Variants in CCDC201 observed in about 807,000 individuals in gnomAD.
The protein encoded by CCDC201 is coiled-coil domain-containing protein 201.
intron 1 of CCDC201, among the ~76,000 whole-genome samples, chr7:45,870,563 G>A (rs898522417): frequency 5.9e-5 from 9 of 152,070 alleles, no homozygotes; most frequent in African/African-American, 2.2e-4. Flanking sequence ...TGAATTTATG[G>A]CAAAATACAT....
chr7:45,882,877 T>C, the CCDC201 span, among the ~76,000 whole-genome samples: 2 of 152,192 alleles, frequency 1.3e-5, no homozygotes, highest in African/African-American at 4.8e-5. Flanking sequence ...CCCAAACAAC[T>C]GTTCATCCCT....
At chr7:45,880,596 G>A in the CCDC201 span, among the ~76,000 whole-genome samples, 1 of 152,250 alleles carries the variant, frequency 6.6e-6, no homozygotes, top group Non-Finnish European at 1.5e-5. Context: ...TTATATGCAG[G>A]TGATGGTACC....
upstream of CCDC201, among the ~76,000 whole-genome samples, chr7:45,873,891 C>T (rs1562791209): frequency 1.3e-5 from 2 of 149,892 alleles, no homozygotes; most frequent in Non-Finnish European, 3.0e-5. Context: ...TTTTAGTGTG[C>T]CTATTTTATT....
chr7:45,873,921 T>C (rs1410866710), upstream of CCDC201, among the ~76,000 whole-genome samples: 1 of 28,528 alleles, frequency 3.5e-5, no homozygotes, highest in African/African-American at 3.0e-4. Context: ...ATTTACTTAC[T>C]TTTTTTTTTT....
At chr7:45,877,359 T>C (rs1786823388), upstream of CCDC201, among the ~76,000 whole-genome samples, 1 of 152,172 alleles carries the variant, frequency 6.6e-6, no homozygotes, top group African/African-American at 2.4e-5. Context: ...AGGATGTAAA[T>C]AAGTGGTCAG....
At chr7:45,881,900 G>C in the CCDC201 span, among the ~76,000 whole-genome samples, 4 of 152,094 alleles carry the variant, frequency 2.6e-5, no homozygotes, top group African/African-American at 7.2e-5. Context: ...TTTGATTAGT[G>C]GGGAGTGTGG....
At chr7:45,875,351 C>T (rs548362733), upstream of CCDC201, among the ~76,000 whole-genome samples, 9 of 150,996 alleles carry the variant, frequency 6.0e-5, no homozygotes, top group Non-Finnish European at 7.4e-5. Context: ...AAAAATTAGC[C>T]AGGCATGGTG....
At chr7:45,878,587 T>C in the CCDC201 span, among the ~76,000 whole-genome samples, 1 of 152,234 alleles carries the variant, frequency 6.6e-6, no homozygotes, top group East Asian at 1.9e-4. Flanking sequence ...TGGCCACTTT[T>C]CACCATGGCT....
chr7:45,878,568 G>A, the CCDC201 span, among the ~76,000 whole-genome samples: 1 of 152,244 alleles, frequency 6.6e-6, no homozygotes, highest in Non-Finnish European at 1.5e-5. Context: ...AATGGCCTGA[G>A]CAGTACCTTG....
At chr7:45,862,171 CAACA>C (rs1248149590) in exon 3 of CCDC201, 1 of 152,280 alleles carries the variant, frequency 6.6e-6, no homozygotes, top group African/African-American at 2.4e-5. Flanking sequence ...CCTACACACT[CAACA>C]AACACAGCCA....
upstream of CCDC201, among the ~76,000 whole-genome samples, chr7:45,876,737 G>A (rs897278037): frequency 6.6e-6 from 1 of 152,234 alleles, no homozygotes; most frequent in Non-Finnish European, 1.5e-5. Flanking sequence ...GGTGGCAGCC[G>A]TCAGGTGCTG....
At chr7:45,884,195 G>T in the CCDC201 span, among the ~76,000 whole-genome samples, 1 of 151,872 alleles carries the variant, frequency 6.6e-6, no homozygotes, top group East Asian at 1.9e-4. Flanking sequence ...CAAACTCCTG[G>T]GCTTAAGTGA....
At chr7:45,880,015 G>T in the CCDC201 span, among the ~76,000 whole-genome samples, 1 of 152,172 alleles carries the variant, frequency 6.6e-6, no homozygotes, top group Non-Finnish European at 1.5e-5. Flanking sequence ...GAATCTGGGG[G>T]ATGGAGTTTG....
At chr7:45,873,477 T>G (rs2116527700), upstream of CCDC201, among the ~76,000 whole-genome samples, 1 of 152,032 alleles carries the variant, frequency 6.6e-6, no homozygotes, top group Non-Finnish European at 1.5e-5. Context: ...TCCTTACCAG[T>G]CAGTCCTTCA....
intron 1 of CCDC201, among the ~76,000 whole-genome samples, chr7:45,867,187 C>G (rs990986259): frequency 5.9e-5 from 9 of 152,076 alleles, no homozygotes; most frequent in Admixed American, 3.9e-4. Context: ...GTTAAAGTGA[C>G]CTGACAGCAG....
chr7:45,863,141 C>T (rs867952174), exon 3 of CCDC201: 8 of 152,158 alleles, frequency 5.3e-5, no homozygotes, highest in East Asian at 1.9e-4. Context: ...TTCTGAAGCA[C>T]GTAGATCTCC....
chr7:45,883,433 C>A, the CCDC201 span, among the ~76,000 whole-genome samples: 2 of 152,124 alleles, frequency 1.3e-5, no homozygotes, highest in African/African-American at 4.8e-5. Flanking sequence ...TATGGTGGGT[C>A]CCCAGGGATG....
At chr7:45,884,312 C>A in the CCDC201 span, among the ~76,000 whole-genome samples, 1 of 152,166 alleles carries the variant, frequency 6.6e-6, no homozygotes, top group Non-Finnish European at 1.5e-5. Flanking sequence ...GTTACCCAGG[C>A]TGGTCTCAAA....
At chr7:45,868,100 C>T (rs867970322) in intron 1 of CCDC201, among the ~76,000 whole-genome samples, 3 of 152,174 alleles carry the variant, frequency 2.0e-5, no homozygotes, top group Non-Finnish European at 2.9e-5. Context: ...GAAGTTCTGG[C>T]TTGGGGTCAC....
Sources: gnomAD v4.1 joint callset for allele counts (sites outside exome capture counted in the v4.1 genomes callset) on GRCh38, gnomAD v4.1.1 for gene constraint, MANE v1.5 for transcripts, NCBI Gene and HGNC (gene_info 2026-07-23, HGNC 2026-07-21) for gene names.